Variants in PDE4D observed in about 807,000 individuals in gnomAD.
PDE4D encodes the protein 3',5'-cyclic-AMP phosphodiesterase 4D.
Under a neutral mutation model 87.4 loss-of-function variants are expected in PDE4D, and 24 were observed. That is an observed-to-expected ratio of 0.27 (90% CI 0.20 to 0.39). The LOEUF (loss-of-function observed/expected upper bound fraction) is 0.39, where lower values mean the gene tolerates loss of function less well. Among genes scored for constraint, PDE4D ranks in the 10% least tolerant of loss-of-function variants. The pLI is 1.00. For synonymous variants in PDE4D, 384 were observed against 383.2 expected (o/e 1.00, Z -0.02); for missense variants, 714 against 1,041.0 (o/e 0.69, Z 4.32).
chr5:60,079,000 C>T (rs1417978550), intron 2 of PDE4D, among the ~76,000 whole-genome samples: 1 of 152,166 alleles, frequency 6.6e-6, no homozygotes, highest in African/African-American at 2.4e-5. Context: ...TACATTTCCA[C>T]CAACAATGTA....
At chr5:59,523,092 T>C (rs2153674034) in intron 1 of PDE4D, among the ~76,000 whole-genome samples, 1 of 152,348 alleles carries the variant, frequency 6.6e-6, no homozygotes, top group South Asian at 2.1e-4. Context: ...TCATTATTGA[T>C]GGCTCACTAT....
intron 2 of PDE4D, among the ~76,000 whole-genome samples, chr5:60,139,764 T>C (rs1326580714): frequency 6.6e-6 from 1 of 152,090 alleles, no homozygotes; most frequent in Non-Finnish European, 1.5e-5. Flanking sequence ...ACATTGTTTC[T>C]TATAAAATAT....
In PDE4D at chr5:60,328,075, A is replaced by T. The variant is rs529234190; in HGVS notation, c.-89-142388T>A. Among the ~76,000 whole-genome samples, 15 of 152,294 alleles carry T rather than the reference A, an allele frequency of 9.8e-5. No individual in the cohort carries two copies. The East Asian group carries it at 2.3e-3, about 23-fold the overall frequency. On this transcript the variant is annotated intron_variant, in intron 1 of 16. Coordinates refer to the PDE4D transcript ENST00000502484. ...CACCAGCCTATTTTCACAAAAGTAC[A>T]ACCCTCCTTATTGGGCATTAGAATT...
intron 1 of PDE4D, among the ~76,000 whole-genome samples, chr5:60,435,476 T>G (rs1374391207): frequency 6.6e-6 from 1 of 152,116 alleles, no homozygotes; most frequent in Non-Finnish European, 1.5e-5. Context: ...TAGGTTTACA[T>G]TTGGAAGCTT....
At chr5:59,449,901 T>A (rs1397128784) in intron 1 of PDE4D, among the ~76,000 whole-genome samples, 1 of 152,210 alleles carries the variant, frequency 6.6e-6, no homozygotes, top group African/African-American at 2.4e-5. Context: ...TATGCAGAAC[T>A]TTTATGAAGC....
chr5:60,188,698 T>C (rs74730173), intron 1 of PDE4D, among the ~76,000 whole-genome samples: 5,862 of 152,254 alleles, frequency 0.039, 370 homozygotes, highest in African/African-American at 0.13. Context: ...TAATGTATCA[T>C]TAAACTTTCC....
chr5:59,221,356 G>T (rs1413375159), intron 1 of PDE4D, among the ~76,000 whole-genome samples: 1 of 152,214 alleles, frequency 6.6e-6, no homozygotes, highest in East Asian at 1.9e-4. Flanking sequence ...ATGGGGCTGG[G>T]TGTGGTGGCT....
intron 1 of PDE4D, among the ~76,000 whole-genome samples, chr5:60,275,793 T>TG (rs1262419767): frequency 6.6e-6 from 1 of 152,132 alleles, no homozygotes; most frequent in African/African-American, 2.4e-5. Context: ...TTTCTTGGCA[T>TG]GGCTTTAGTT....
At chr5:60,228,084 A>G (rs982477661) in intron 1 of PDE4D, among the ~76,000 whole-genome samples, 3 of 151,976 alleles carry the variant, frequency 2.0e-5, no homozygotes, top group Admixed American at 6.6e-5. Context: ...TTGCCCTTTA[A>G]ATAATTCAAA....
chr5:59,993,020 T>C (rs754246203), intron 2 of PDE4D, among the ~76,000 whole-genome samples: 8 of 152,190 alleles, frequency 5.3e-5, no homozygotes, highest in Non-Finnish European at 1.2e-4. Context: ...ATAAGTATCT[T>C]ATGTTATTGT....
intron 5 of PDE4D, among the ~76,000 whole-genome samples, chr5:59,103,317 A>C (rs1402692565): frequency 6.6e-6 from 1 of 152,120 alleles, no homozygotes; most frequent in Admixed American, 6.6e-5. Flanking sequence ...ATTTAAATGG[A>C]GTATTTACCA....
intron 1 of PDE4D, among the ~76,000 whole-genome samples, chr5:59,734,870 T>C (rs973813165): frequency 2.0e-5 from 3 of 152,182 alleles, no homozygotes; most frequent in Admixed American, 1.3e-4. Context: ...CTGCAATGTC[T>C]GTAATTGAAT....
intron 1 of PDE4D, among the ~76,000 whole-genome samples, chr5:59,863,473 A>G (rs1746572383): frequency 6.6e-6 from 1 of 152,212 alleles, no homozygotes; most frequent in Admixed American, 6.5e-5. Flanking sequence ...TTCAAAAATC[A>G]TGAAATAGAA....
At chr5:60,500,125 G>A (rs528452915) in intron 1 of PDE4D, among the ~76,000 whole-genome samples, 1 of 151,852 alleles carries the variant, frequency 6.6e-6, no homozygotes, top group East Asian at 1.9e-4. Context: ...AGGCAACATA[G>A]TGAGACACCA....
At chr5:60,066,918 G>A (rs941252596) in intron 2 of PDE4D, among the ~76,000 whole-genome samples, 3 of 152,026 alleles carry the variant, frequency 2.0e-5, no homozygotes, top group Non-Finnish European at 4.4e-5. Context: ...GTGGTCATCT[G>A]TCACCATCTA....
intron 1 of PDE4D, among the ~76,000 whole-genome samples, chr5:59,518,623 A>C (rs1050156685): frequency 6.6e-6 from 1 of 152,158 alleles, no homozygotes; most frequent in African/African-American, 2.4e-5. Flanking sequence ...GGAATGAAAG[A>C]GGGGAAGATG....
At chr5:60,398,762 T>C (rs945914903) in intron 1 of PDE4D, among the ~76,000 whole-genome samples, 5 of 152,216 alleles carry the variant, frequency 3.3e-5, no homozygotes, top group African/African-American at 4.8e-5. Context: ...TTTACATATA[T>C]GAATTTATTC....
rs549272855 is a variant in PDE4D at position 59,331,393 on chromosome 5, G to A, written c.456-115425C>T. 3.4e-4 allele frequency among the ~76,000 whole-genome samples: 52 copies of A among 152,020 alleles called. 3 individuals carry two copies. In the South Asian group the frequency reaches 9.5e-3, roughly 28 times the overall value. On this transcript the variant is annotated intron_variant, in intron 1 of 14. Transcript: ENST00000340635. ...CACGTAGTCTTCTCTGCGTGTGCGCGTGCATCTTAATCTCCTTTTCTTATA... is the reference window on the plus strand; with the variant it reads ...CACGTAGTCTTCTCTGCGTGTGCGCATGCATCTTAATCTCCTTTTCTTATA...
intron 2 of PDE4D, among the ~76,000 whole-genome samples, chr5:60,128,333 C>A (rs1779288033): frequency 6.6e-6 from 1 of 152,194 alleles, no homozygotes; most frequent in Non-Finnish European, 1.5e-5. Flanking sequence ...ATCATCTGAC[C>A]TTAAGCAGCG....
Sources: allele counts gnomAD v4.1 joint callset (sites outside exome capture counted in the v4.1 genomes callset), GRCh38; gene constraint gnomAD v4.1.1; transcripts MANE v1.5; gene names NCBI Gene and HGNC (gene_info 2026-07-23, HGNC 2026-07-21).